ST6GALNAC3: variants seen among roughly 807,000 people sequenced by gnomAD.
ST6GALNAC3 encodes alpha-N-acetylgalactosaminide alpha-2,6-sialyltransferase 3.
A neutral mutation model predicts 32.7 loss-of-function variants in ST6GALNAC3; 25 were observed. That is an observed-to-expected ratio of 0.76 (90% CI 0.56 to 1.07). The LOEUF (loss-of-function observed/expected upper bound fraction) is 1.07, where lower values mean the gene tolerates loss of function less well. Among genes scored for constraint, ST6GALNAC3 ranks in the 50% least tolerant of loss-of-function variants. ST6GALNAC3 has a pLI of 0.00. For synonymous variants in ST6GALNAC3, 129 were observed against 133.1 expected, an observed-to-expected ratio of 0.97 and a Z score of 0.21; for missense variants, 355 against 382.4, an observed-to-expected ratio of 0.93 and a Z score of 0.60.
intron 3 of ST6GALNAC3, among the ~76,000 whole-genome samples, chr1:76,427,635 A>T: frequency 6.6e-6 from 1 of 152,156 alleles, no homozygotes; most frequent in East Asian, 1.9e-4. Flanking sequence ...TAGTTTTACC[A>T]TCAAGTTGGA....
At chr1:76,197,735 G>A (rs2631793) in intron 1 of ST6GALNAC3, among the ~76,000 whole-genome samples, 2,770 of 152,222 alleles carry the variant, frequency 0.018, 90 homozygotes, top group African/African-American at 0.064. Flanking sequence ...AGGGTAGAAA[G>A]ATTAGGCAGG....
At position 76,221,869 on chromosome 1, in the gene ST6GALNAC3, A is replaced by G. The variant is rs527860181; in HGVS notation, c.19-91936A>G. ...ATATAAAAGTCATGACTCAAAAAAT[A>G]TCTCCACTATTAAATATCCCCTGCA... On this transcript the variant is annotated intron_variant, in intron 1 of 4. Coordinates refer to ENST00000328299, the MANE Select transcript of ST6GALNAC3 (RefSeq NM_152996.4). Among the ~76,000 whole-genome samples, 3 of 152,312 alleles carry G rather than the reference A, an allele frequency of 2.0e-5. No homozygotes were observed. The East Asian group carries it at 5.8e-4, about 29-fold the overall frequency.
chr1:76,549,893 C>T, intron 3 of ST6GALNAC3, among the ~76,000 whole-genome samples: 1 of 152,142 alleles, frequency 6.6e-6, no homozygotes, highest in Non-Finnish European at 1.5e-5. Context: ...TGTGAAATGG[C>T]ATCACATCAT....
chr1:76,358,100 T>A (rs1193760542), intron 2 of ST6GALNAC3, among the ~76,000 whole-genome samples: 1 of 152,214 alleles, frequency 6.6e-6, no homozygotes, highest in East Asian at 1.9e-4. Flanking sequence ...GCATAGGGTA[T>A]GTCTCGAATC....
At chr1:76,083,276 C>T (rs1019979838) in intron 1 of ST6GALNAC3, among the ~76,000 whole-genome samples, 2 of 152,226 alleles carry the variant, frequency 1.3e-5, no homozygotes, top group Non-Finnish European at 2.9e-5. Flanking sequence ...GAGTTGATCC[C>T]TCTATTTGGG....
intron 1 of ST6GALNAC3, among the ~76,000 whole-genome samples, chr1:76,076,899 A>G (rs1368351235): frequency 6.6e-6 from 1 of 152,192 alleles, no homozygotes; most frequent in Non-Finnish European, 1.5e-5. Context: ...AGACCCAGAT[A>G]TGTCAACCTT....
At chr1:76,188,936 T>C (rs538944708) in intron 1 of ST6GALNAC3, among the ~76,000 whole-genome samples, 43 of 152,296 alleles carry the variant, frequency 2.8e-4, no homozygotes, top group Non-Finnish European at 4.1e-4. Flanking sequence ...AAAGGAACTT[T>C]GGAGTACTTT....
rs999569780 is a variant in ST6GALNAC3, at chr1:76,582,026, C to T, written c.624-45426C>T. The stretch of plus-strand genomic sequence containing the variant: ...TTTCTTTGCAGAAATCTTTTTACGC[C>T]GCTTGTCCATTTTGAGAGGGCTAAT... On this transcript the variant is annotated intron_variant, in intron 3 of 4. Transcript: ENST00000328299. Among the ~76,000 whole-genome samples the T allele has an allele frequency of 9.9e-5, 15 of 152,096 alleles. 1 individual carries two copies. Among genetic ancestry groups the T allele is most frequent in the Admixed American group, 7.2e-4 (11 of 15,254 alleles).
chr1:76,418,004 G>A (rs1450802839), intron 3 of ST6GALNAC3, among the ~76,000 whole-genome samples: 3 of 152,278 alleles, frequency 2.0e-5, no homozygotes, highest in South Asian at 2.1e-4. Context: ...TGTGAATACA[G>A]TATCAAGATC....
At chr1:76,499,996 C>G (rs769231956) in intron 3 of ST6GALNAC3, among the ~76,000 whole-genome samples, 1 of 151,782 alleles carries the variant, frequency 6.6e-6, no homozygotes, top group Non-Finnish European at 1.5e-5. Flanking sequence ...AGAAAGTTAC[C>G]TAGAATACAA....
At chr1:76,529,138 A>G (rs1216637360) in intron 3 of ST6GALNAC3, among the ~76,000 whole-genome samples, 1 of 152,116 alleles carries the variant, frequency 6.6e-6, no homozygotes, top group Non-Finnish European at 1.5e-5. Flanking sequence ...AATAATTGTT[A>G]TATGAATATT....
intron 1 of ST6GALNAC3, among the ~76,000 whole-genome samples, chr1:76,230,016 T>G (rs1656282795): frequency 6.6e-6 from 1 of 152,230 alleles, no homozygotes; most frequent in Non-Finnish European, 1.5e-5. Flanking sequence ...GATCTGAGAT[T>G]AGTGGGTCAC....
In ST6GALNAC3 at chr1:76,544,968, A is replaced by G. The variant is rs562340086; in HGVS notation, c.624-82484A>G. Among the ~76,000 whole-genome samples the G allele has an allele frequency of 1.7e-3, 265 of 152,346 alleles. 1 individual carries two copies. Among genetic ancestry groups the G allele is most frequent in the African/African-American group, 6.1e-3 (255 of 41,592 alleles). On this transcript the variant is annotated intron_variant, in intron 3 of 4. Transcript: ENST00000328299. ...CTTTAATTTAAGGACATTTAGCTGC[A>G]TGAAATCCTCTCTCCATTGTCCTTA...
At chr1:76,568,007 G>C (rs947191117) in intron 3 of ST6GALNAC3, among the ~76,000 whole-genome samples, 1 of 152,164 alleles carries the variant, frequency 6.6e-6, no homozygotes, top group African/African-American at 2.4e-5. Context: ...CATGAGAGAA[G>C]AGGCTTTAAA....
chr1:76,359,440 T>A (rs12727514), intron 2 of ST6GALNAC3, among the ~76,000 whole-genome samples: 162 of 152,190 alleles, frequency 1.1e-3, no homozygotes, highest in Non-Finnish European at 2.0e-3. Flanking sequence ...AAGATAGAAA[T>A]TCACACAGGA....
chr1:76,322,751 C>T (rs1384826160), intron 2 of ST6GALNAC3, among the ~76,000 whole-genome samples: 1 of 151,764 alleles, frequency 6.6e-6, no homozygotes, highest in East Asian at 1.9e-4. Flanking sequence ...CCACTGCCCC[C>T]CACCCCCCCA....
chr1:76,258,881 A>G (rs1000130213), intron 1 of ST6GALNAC3, among the ~76,000 whole-genome samples: 3 of 152,182 alleles, frequency 2.0e-5, no homozygotes, highest in African/African-American at 7.2e-5. Context: ...AAAATTCAGC[A>G]AGTCTTTTTG....
At chr1:76,081,170 T>A (rs928844191) in intron 1 of ST6GALNAC3, among the ~76,000 whole-genome samples, 1 of 152,104 alleles carries the variant, frequency 6.6e-6, no homozygotes, top group Non-Finnish European at 1.5e-5. Context: ...TCACCCTGAC[T>A]TCGTGTGGTT....
At chr1:76,112,707 G>A (rs1331033929) in intron 1 of ST6GALNAC3, among the ~76,000 whole-genome samples, 4 of 151,242 alleles carry the variant, frequency 2.6e-5, no homozygotes, top group Non-Finnish European at 4.4e-5. Context: ...CAGACGGGGC[G>A]GCCGGGCAGA....
Sources: allele counts gnomAD v4.1 joint callset (sites outside exome capture counted in the v4.1 genomes callset), GRCh38; gene constraint gnomAD v4.1.1; transcripts MANE v1.5; gene names NCBI Gene and HGNC (gene_info 2026-07-23, HGNC 2026-07-21).